Variants in ANXA3 observed in about 807,000 individuals in gnomAD.
The protein encoded by ANXA3 is annexin A3.
A neutral mutation model predicts 48.8 loss-of-function variants in ANXA3; 46 were observed. That is an observed-to-expected ratio of 0.94 (90% confidence interval 0.74 to 1.21). The LOEUF (loss-of-function observed/expected upper bound fraction) is 1.21, where lower values mean the gene tolerates loss of function less well. Ranked by LOEUF, ANXA3 falls within the 50% of genes most tolerant of loss-of-function variation. The pLI, the probability that ANXA3 is intolerant of heterozygous loss-of-function variation, is 0.00. For synonymous variants in ANXA3, 128 were observed against 134.7 expected, an observed-to-expected ratio of 0.95 and a Z score of 0.35; for missense variants, 383 against 378.6, an observed-to-expected ratio of 1.01 and a Z score of -0.10.
chr4:78,586,478 A>C (rs1723181487), intron 6 of ANXA3, 128 bp downstream of exon 6: 1 of 631,184 alleles, frequency 1.6e-6, no homozygotes, highest in African/African-American at 1.9e-5. Context: ...ACGAGAATAC[A>C]TTCTAAAATC....
chr4:78,556,481 T>A (rs1378335529), intron 2 of ANXA3, among the ~76,000 whole-genome samples: 2 of 152,036 alleles, frequency 1.3e-5, no homozygotes, highest in Non-Finnish European at 2.9e-5. Context: ...TTTCAATATA[T>A]CACCTTCTGT....
intron 5 of ANXA3, among the ~76,000 whole-genome samples, chr4:78,585,824 G>A (rs1442885138): frequency 2.6e-5 from 4 of 152,214 alleles, no homozygotes; most frequent in Non-Finnish European, 5.9e-5. Context: ...CATTACTGAG[G>A]ATTTGAAAGG....
At chr4:78,579,884 C>T (rs934690777) in intron 4 of ANXA3, among the ~76,000 whole-genome samples, 1 of 151,938 alleles carries the variant, frequency 6.6e-6, no homozygotes, top group Non-Finnish European at 1.5e-5. Flanking sequence ...TTCAGTGAGC[C>T]GAGATTGATC....
At chr4:78,566,992 C>G (rs1722744855) in intron 2 of ANXA3, among the ~76,000 whole-genome samples, 1 of 152,214 alleles carries the variant, frequency 6.6e-6, no homozygotes, top group South Asian at 2.1e-4. Flanking sequence ...TGTGGACGTT[C>G]AGCACCGCCT....
chr4:78,600,059 G>A (rs1017092181), intron 10 of ANXA3, among the ~76,000 whole-genome samples: 2 of 152,110 alleles, frequency 1.3e-5, no homozygotes, highest in Non-Finnish European at 2.9e-5. Context: ...GTGGACAGCT[G>A]GACTCTCAAG....
rs1215045611 is a variant in ANXA3 at position 78,579,059 on chromosome 4, A to G, written c.136A>G (p.Thr46Ala). The change falls in exon 4 of 13, where the codon ACT (threonine) becomes GCT (alanine). Residue 46 changes from threonine to alanine, a missense_variant. By Grantham distance (58) the Thr-to-Ala change is moderately conservative. Coordinates refer to ENST00000264908, the MANE Select transcript of ANXA3 (RefSeq NM_005139.3). Reference protein sequence around the residue: ...TDEKMLISILTERSNAQRQLI... With the variant: ...TDEKMLISILAERSNAQRQLI... ...TGAGAAAATGCTCATCAGCATTCTG[A>G]CTGAGAGGTCAAATGCACAGCGGCA... is the stretch of plus-strand genomic sequence containing the variant. The G allele has an allele frequency of 6.2e-7, 1 of 1,612,586 alleles. No individual in the cohort carries two copies. The highest frequency in any genetic ancestry group is 1.3e-5 in the African/African-American group (1 of 74,898).
At chr4:78,593,628 T>G (rs1419007425) in intron 7 of ANXA3, among the ~76,000 whole-genome samples, 1 of 148,544 alleles carries the variant, frequency 6.7e-6, no homozygotes, top group Non-Finnish European at 1.5e-5. Flanking sequence ...TCCTTTCCAT[T>G]ATTATTATTA....
At chr4:78,579,771 A>T (rs1349721816) in intron 4 of ANXA3, among the ~76,000 whole-genome samples, 1 of 152,136 alleles carries the variant, frequency 6.6e-6, no homozygotes, top group Non-Finnish European at 1.5e-5. Flanking sequence ...TCTACTAAAA[A>T]TACTGAAATT....
At position 78,601,498 on chromosome 4, in the gene ANXA3, TTTTTGTTACAG is replaced by T. The variant is rs1423959027; in HGVS notation, c.731-9_732del. On this transcript the variant is annotated splice_acceptor_variant and splice_polypyrimidine_tract_variant and intron_variant, in intron 10 of 12. Transcript: ENST00000264908. LOFTEE classifies it high-confidence loss of function. ...TTCCGTGAAGCTGAACATTATTTGC[TTTTTGTTACAG>T]TTAATTGTGTGAGGAACACGCCGGC... The T allele has an allele frequency of 6.2e-7, 1 of 1,613,436 alleles. No homozygotes were observed. Among genetic ancestry groups the T allele is most frequent in the African/African-American group, 1.3e-5 (1 of 74,916 alleles).
At chr4:78,604,774 G>A (rs1211401342) in intron 12 of ANXA3, among the ~76,000 whole-genome samples, 1 of 152,190 alleles carries the variant, frequency 6.6e-6, no homozygotes, top group African/African-American at 2.4e-5. Flanking sequence ...ACATGAGACA[G>A]CATGGTTCTG....
intron 6 of ANXA3, among the ~76,000 whole-genome samples, chr4:78,587,038 GT>G (rs1253910559): frequency 6.6e-6 from 1 of 152,186 alleles, no homozygotes. Context: ...AGAAAGTGCT[GT>G]GTTCACAAAT....
At chr4:78,586,206 A>G (rs1723172636) in intron 5 of ANXA3, 54 bp from the exon 6 acceptor site, 1 of 1,409,034 alleles carries the variant, frequency 7.1e-7, no homozygotes, top group Non-Finnish European at 1.0e-6. Context: ...ACCAAAAGGC[A>G]TGAGATTAAG....
At chr4:78,584,851 G>A (rs1012201945) in intron 5 of ANXA3, among the ~76,000 whole-genome samples, 8 of 152,248 alleles carry the variant, frequency 5.3e-5, no homozygotes, top group African/African-American at 1.7e-4. Context: ...TCAGACTGCA[G>A]TGGTGGCCTG....
Position 78,595,842 on chromosome 4 carries a change from T to C in ANXA3, c.589T>C (p.Phe197Leu), listed in dbSNP as rs543257646. 2 of 1,612,824 alleles carry C rather than the reference T, an allele frequency of 1.2e-6. No homozygotes were observed. Among genetic ancestry groups the C allele is most frequent in the African/African-American group, 1.3e-5 (1 of 75,028 alleles). The change falls in exon 9 of 13, where the codon TTC becomes CTC. Residue 197 changes from phenylalanine to leucine, a missense_variant. Phe to Leu is a conservative substitution (Grantham distance 22). Coordinates refer to ENST00000264908, the MANE Select transcript of ANXA3 (RefSeq NM_005139.3). ...ENRWGTDEDK[F>L]TEILCLRSFP... ...CAGATGGGGCACGGATGAAGACAAA[T>C]TCACTGAGATCCTGTGTTTAAGGAG...
chr4:78,554,624 A>T (rs1220761993), intron 2 of ANXA3, 136 bp downstream of exon 2: 3 of 688,916 alleles, frequency 4.4e-6, no homozygotes, highest in Non-Finnish European at 7.6e-6. Flanking sequence ...GAAAAGCCAG[A>T]GGATGTCAAA....
chr4:78,588,138 T>A (rs887818166), intron 6 of ANXA3, among the ~76,000 whole-genome samples: 2 of 151,816 alleles, frequency 1.3e-5, no homozygotes, highest in African/African-American at 4.8e-5. Context: ...ATGCCTGTAA[T>A]CCTGGCATTT....
intron 2 of ANXA3, among the ~76,000 whole-genome samples, chr4:78,556,854 G>A (rs1304743505): frequency 6.6e-6 from 1 of 152,162 alleles, no homozygotes; most frequent in East Asian, 1.9e-4. Flanking sequence ...ACCTTCAAAG[G>A]CGTGGCACAT....
intron 6 of ANXA3, among the ~76,000 whole-genome samples, chr4:78,588,792 C>A (rs1723230110): frequency 6.6e-6 from 1 of 152,186 alleles, no homozygotes. Flanking sequence ...TTCCAGTCCC[C>A]TCTACTCCCC....
intron 5 of ANXA3, 53 bp from the exon 6 acceptor site, chr4:78,586,207 T>C: frequency 5.8e-6 from 8 of 1,389,810 alleles, no homozygotes; most frequent in Non-Finnish European, 8.1e-6. Context: ...CCAAAAGGCA[T>C]GAGATTAAGT....
Sources: gnomAD v4.1 joint callset for allele counts (sites outside exome capture counted in the v4.1 genomes callset) on GRCh38, gnomAD v4.1.1 for gene constraint, MANE v1.5 for transcripts, NCBI Gene and HGNC (gene_info 2026-07-23, HGNC 2026-07-21) for gene names.